EFR3B: variants seen among roughly 807,000 people sequenced by gnomAD.
EFR3B encodes EFR3 homolog B, also known as protein EFR3 homolog B.
Under a neutral mutation model 104.7 loss-of-function variants are expected in EFR3B, and 64 were observed. The ratio of observed to expected loss-of-function variants is 0.61; its 90% CI spans 0.50 to 0.75. The LOEUF (loss-of-function observed/expected upper bound fraction) is 0.75. Among genes scored for constraint, EFR3B ranks in the 30% least tolerant of loss-of-function variants. The pLI, the probability that EFR3B is intolerant of heterozygous loss-of-function variation, is 0.00. For synonymous variants in EFR3B, 385 were observed against 417.9 expected (o/e 0.92, Z 0.96); for missense variants, 750 against 1,078.5 (o/e 0.70, Z 4.27).
intron 1 of EFR3B, among the ~76,000 whole-genome samples, chr2:25,047,878 C>G (rs979837273): frequency 6.6e-6 from 1 of 152,014 alleles, no homozygotes; most frequent in Non-Finnish European, 1.5e-5. Context: ...ACTGTGATAC[C>G]GTTCCTTCTA....
At chr2:25,052,524 C>T (rs1435689094) in intron 1 of EFR3B, among the ~76,000 whole-genome samples, 9 of 104,948 alleles carry the variant, frequency 8.6e-5, no homozygotes, top group Admixed American at 6.5e-4. Flanking sequence ...TTTTTTGAGA[C>T]GGAGTCTCGC....
At chr2:25,049,512 A>G (rs1667808750) in intron 1 of EFR3B, among the ~76,000 whole-genome samples, 1 of 152,254 alleles carries the variant, frequency 6.6e-6, no homozygotes, top group Non-Finnish European at 1.5e-5. Flanking sequence ...ACATGCAAAC[A>G]ATTAAATGAT....
chr2:25,131,248 T>G lies in EFR3B; in HGVS notation c.850-120T>G, dbSNP rs1352058652. ...CACGAGGTGTCAGTGCCAACTGCAGTGCCCGGGGCCTTGGAACGTCCCTTT... is the reference window on the plus strand; with the variant it reads ...CACGAGGTGTCAGTGCCAACTGCAGGGCCCGGGGCCTTGGAACGTCCCTTT... On this transcript the variant is annotated intron_variant, in intron 8 of 22. Transcript: ENST00000403714. This position sits in a 1 kb window ranked among gnomAD's most constrained non-coding sequence, Gnocchi z 7.6. The G allele has an allele frequency of 7.4e-7, 1 of 1,356,320 alleles. No individual in the cohort carries two copies. The highest frequency in any genetic ancestry group is 2.5e-5 in the East Asian group (1 of 39,514). The allele number at this position is 1,356,320 out of a possible 1,614,324, so 84.0% of individuals were successfully genotyped here.
chr2:25,143,332 G>A (rs1292190204), intron 17 of EFR3B, among the ~76,000 whole-genome samples: 1 of 151,944 alleles, frequency 6.6e-6, no homozygotes, highest in East Asian at 1.9e-4. Context: ...TTGCTTCTCT[G>A]TCATCTTGCA....
chr2:25,096,614 G>A lies in EFR3B; in HGVS notation c.212+3484G>A, dbSNP rs577657928. ...GCCCACCACCCCCGCCACACCTGCC[G>A]TAGACCCACTCCACATGAACTGCTG... On this transcript the variant is annotated intron_variant, in intron 3 of 22. Transcript: ENST00000403714. Among the ~76,000 whole-genome samples the A allele has an allele frequency of 4.6e-5, 7 of 152,076 alleles. No individual in the cohort carries two copies. In the South Asian group the frequency reaches 8.3e-4, roughly 18 times the overall value.
chr2:25,046,028 G>A (rs2149161600), intron 1 of EFR3B, among the ~76,000 whole-genome samples: 1 of 152,290 alleles, frequency 6.6e-6, no homozygotes, highest in South Asian at 2.1e-4. Flanking sequence ...CTCAGCAAAT[G>A]CCTCTCGTCC....
Position 25,137,571 on chromosome 2 carries a change from A to G in EFR3B, c.1722+69A>G. 2 of 1,542,252 alleles carry G rather than the reference A, an allele frequency of 1.3e-6. No homozygotes were observed. The highest frequency in any genetic ancestry group is 1.8e-6 in the Non-Finnish European group (2 of 1,140,682). On this transcript the variant is annotated intron_variant, in intron 15 of 22. Coordinates refer to ENST00000403714, the MANE Select transcript of EFR3B (RefSeq NM_014971.2). This position sits in a 1 kb window ranked among gnomAD's most constrained non-coding sequence, Gnocchi z 4.7. ...AGGGACTTGTTTTGGGCAAGCCCTGATAAGAGTATTGACTAGCAACTGCTT... is the reference window on the plus strand; with the variant it reads ...AGGGACTTGTTTTGGGCAAGCCCTGGTAAGAGTATTGACTAGCAACTGCTT...
chr2:25,135,153 G>A (rs1326051321), intron 12 of EFR3B, among the ~76,000 whole-genome samples: 1 of 152,136 alleles, frequency 6.6e-6, no homozygotes, highest in Non-Finnish European at 1.5e-5. Flanking sequence ...GCCCTAACTG[G>A]CTGGAATGTT....
intron 3 of EFR3B, among the ~76,000 whole-genome samples, chr2:25,102,228 T>C (rs1669447567): frequency 1.3e-5 from 2 of 152,256 alleles, no homozygotes; most frequent in South Asian, 4.2e-4. Flanking sequence ...TCTTCAGGGG[T>C]TGAGGAGCTG....
rs1327831152 is a variant in EFR3B at position 25,143,812 on chromosome 2, G to A, written c.2000G>A (p.Ser667Asn). ...QSKISEVLGG[S>N]GYNSDRLCLP... ...AAGATCAGTGAAGTCCTGGGAGGCA[G>A]TGGCTACAACTCGGACCGGCTCTGC... is the stretch of plus-strand genomic sequence containing the variant. Residue 667 changes from serine to asparagine, a missense_variant, in exon 18 of 23, where the codon AGT (serine) becomes AAT (asparagine). Transcript: ENST00000403714. 6.4e-7 allele frequency: 1 copy of A among 1,551,698 alleles called. No individual in the cohort carries two copies. The highest frequency in any genetic ancestry group is 8.7e-7 in the Non-Finnish European group (1 of 1,147,002).
In EFR3B at chr2:25,042,201, T is replaced by G. The variant is rs1667591507; in HGVS notation, c.-112T>G. On this transcript the variant is annotated 5_prime_UTR_variant, in exon 1 of 23. Coordinates refer to ENST00000403714, the MANE Select transcript of EFR3B (RefSeq NM_014971.2). The surrounding 1 kb of genome is among the most constrained non-coding windows in gnomAD (Gnocchi z 5.4). The stretch of plus-strand genomic sequence containing the variant: ...TGCTCCCTCCCCGCCCGGGCCCCTG[T>G]CGGCCGCCGCCAGTCCCCGCCCCGA... 5.4e-5 allele frequency: 56 copies of G among 1,044,452 alleles called. No homozygotes were observed. The highest frequency in any genetic ancestry group is 1.3e-4 in the South Asian group (3 of 23,054). The allele number at this position is 1,044,452 out of a possible 1,614,324, so 64.7% of individuals were successfully genotyped here. A position where few individuals can be genotyped will look rare whatever the true frequency, so the allele number is the denominator to read the frequency against.
In EFR3B at chr2:25,131,901, C is replaced by A. The variant is rs1417550321; in HGVS notation, c.1137C>A (p.Ile379=). ...HEERMFQEAV[I]KTVGSFASTL... is the part of the protein sequence containing the mutation. The stretch of plus-strand genomic sequence containing the variant: ...AGCGCATGTTCCAGGAGGCCGTCAT[C>A]AAGACCGTGGGTGCGGCGCGGGGCC... The change falls in exon 10 of 23, where the codon ATC becomes ATA. Residue 379 remains isoleucine, a synonymous_variant. Coordinates refer to ENST00000403714, the MANE Select transcript of EFR3B (RefSeq NM_014971.2). This position sits in a 1 kb window ranked among gnomAD's most constrained non-coding sequence, Gnocchi z 7.6. 1 of 1,452,584 alleles carries A rather than the reference C, an allele frequency of 6.9e-7. No individual in the cohort carries two copies. Among genetic ancestry groups the A allele is most frequent in the Admixed American group, 2.2e-5 (1 of 45,478 alleles). 90.0% of individuals were successfully genotyped at this position (1,452,584 alleles called of 1,614,324 possible). A position where few individuals can be genotyped will look rare whatever the true frequency, so the allele number is the denominator to read the frequency against.
In EFR3B at chr2:25,092,995, T is replaced by C; in HGVS notation, c.85-8T>C. 6.5e-7 allele frequency: 1 copy of C among 1,543,438 alleles called. No homozygotes were observed. Among genetic ancestry groups the C allele is most frequent in the Non-Finnish European group, 8.7e-7 (1 of 1,146,886 alleles). ...GCCATAGTGAGCACAAGCTGTTTTC[T>C]CCTACAGGATGGTCTGGTGAAGACC... is the stretch of plus-strand genomic sequence containing the variant. On this transcript the variant is annotated splice_region_variant and splice_polypyrimidine_tract_variant and intron_variant, in intron 2 of 22. Transcript: ENST00000403714.
Position 25,131,837 on chromosome 2 carries a change from C to T in EFR3B, c.1073C>T (p.Ala358Val), listed in dbSNP as rs1324477222. The stretch of plus-strand genomic sequence containing the variant: ...GCGCTGACCGGGAGCTACGACGGGG[C>T]GGTCAGCCTCGGCACCAAGATCATC... ...DYALTGSYDG[A>V]VSLGTKIIKE... Residue 358 changes from alanine to valine, a missense_variant, in exon 10 of 23, where the codon GCG becomes GTG. Ala to Val is a moderately conservative substitution (Grantham distance 64). Transcript: ENST00000403714. The surrounding 1 kb of genome is among the most constrained non-coding windows in gnomAD (Gnocchi z 7.6). 1 of 1,549,584 alleles carries T rather than the reference C, an allele frequency of 6.5e-7. No individual in the cohort carries two copies. The highest frequency in any genetic ancestry group is 2.0e-5 in the Admixed American group (1 of 50,680).
In EFR3B at chr2:25,130,048, C is replaced by T; in HGVS notation, c.709C>T (p.Arg237Trp). 1.3e-6 allele frequency: 2 copies of T among 1,551,772 alleles called. No individual in the cohort carries two copies. The highest frequency in any genetic ancestry group is 1.7e-6 in the Non-Finnish European group (2 of 1,147,012). The change falls in exon 7 of 23, where the codon CGG becomes TGG. Residue 237 changes from arginine (R) to tryptophan (W), a missense_variant. Physicochemically the swap from Arg to Trp is moderately radical, Grantham distance 101. Coordinates refer to ENST00000403714, the MANE Select transcript of EFR3B (RefSeq NM_014971.2). The surrounding 1 kb of genome is among the most constrained non-coding windows in gnomAD (Gnocchi z 4.6). ...SPAELAERCL[R>W]ELLGRAAFGN... ...CGCGGAGCTGGCTGAGAGGTGTCTT[C>T]GGGAGCTGCTGGGCCGGGCTGCCTT...
intron 12 of EFR3B, among the ~76,000 whole-genome samples, chr2:25,134,694 C>T (rs984252363): frequency 4.6e-5 from 7 of 152,244 alleles, no homozygotes; most frequent in African/African-American, 1.2e-4. Context: ...TTTTATAAAC[C>T]CTTTGTGCTC....
intron 1 of EFR3B, among the ~76,000 whole-genome samples, chr2:25,084,105 GTAACT>G (rs1668883277): frequency 6.6e-6 from 1 of 152,094 alleles, no homozygotes; most frequent in African/African-American, 2.4e-5. Flanking sequence ...CTCTAGGCAG[GTAACT>G]TAACCACTTA....
intron 4 of EFR3B, among the ~76,000 whole-genome samples, chr2:25,116,319 T>TA (rs1303870260): frequency 1.3e-5 from 2 of 152,150 alleles, no homozygotes; most frequent in Admixed American, 6.6e-5. Flanking sequence ...AGGTGATAGA[T>TA]ACATTTTAAA....
intron 1 of EFR3B, among the ~76,000 whole-genome samples, chr2:25,047,261 T>A (rs1243403848): frequency 6.6e-6 from 1 of 152,198 alleles, no homozygotes; most frequent in Admixed American, 6.5e-5. Flanking sequence ...CTCTCCTTGC[T>A]ATTTCTTTTT....
Sources: gnomAD v4.1 joint callset for allele counts (sites outside exome capture counted in the v4.1 genomes callset) on GRCh38, gnomAD v4.1.1 for gene constraint, Gnocchi (gnomAD v3.1) non-coding constraint, MANE v1.5 for transcripts, NCBI Gene and HGNC (gene_info 2026-07-23, HGNC 2026-07-21) for gene names.